The following HNF4G variants were observed in gnomAD, a reference collection of about 807,000 sequenced individuals.
The protein encoded by HNF4G is hepatocyte nuclear factor 4-gamma.
Under a neutral mutation model 50.9 loss-of-function variants are expected in HNF4G, and 21 were observed. That is an observed-to-expected ratio of 0.41 (90% CI 0.29 to 0.59). The LOEUF (loss-of-function observed/expected upper bound fraction) is 0.59, where lower values mean the gene tolerates loss of function less well. Among genes scored for constraint, HNF4G ranks in the 20% least tolerant of loss-of-function variants. The pLI, the probability that HNF4G is intolerant of heterozygous loss-of-function variation, is 0.26. For missense variants in HNF4G, 527 were observed against 559.4 expected (o/e 0.94, Z 0.58); for synonymous variants, 198 against 185.6 (o/e 1.07, Z -0.54).
intron 1 of HNF4G, among the ~76,000 whole-genome samples, chr8:75,417,572 C>T (rs1810671510): frequency 6.6e-6 from 1 of 152,148 alleles, no homozygotes; most frequent in Non-Finnish European, 1.5e-5. Context: ...TGCTATTAAT[C>T]TCATCTCAGT....
intron 5 of HNF4G, among the ~76,000 whole-genome samples, chr8:75,553,466 G>T (rs778240287): frequency 3.9e-5 from 6 of 152,084 alleles, no homozygotes; most frequent in Admixed American, 3.9e-4. Flanking sequence ...TTTTAAAAGG[G>T]TCATGTGAGG....
chr8:75,461,594 A>G (rs538502216), intron 1 of HNF4G, among the ~76,000 whole-genome samples: 26 of 152,272 alleles, frequency 1.7e-4, no homozygotes, highest in African/African-American at 6.0e-4. Context: ...TATTCTGCCT[A>G]CTACAAAAGC....
At chr8:75,534,899 A>C (rs559140555), upstream of HNF4G, among the ~76,000 whole-genome samples, 1 of 151,858 alleles carries the variant, frequency 6.6e-6, no homozygotes, top group Non-Finnish European at 1.5e-5. Flanking sequence ...AAGCTATAGA[A>C]GTTCAGTTTA....
chr8:75,475,844 G>T (rs1180682211), intron 1 of HNF4G, among the ~76,000 whole-genome samples: 1 of 152,056 alleles, frequency 6.6e-6, no homozygotes, highest in Non-Finnish European at 1.5e-5. Context: ...TGTATGTAGG[G>T]TGTATATAAC....
intron 8 of HNF4G, 43 bp from the exon 9 acceptor site, chr8:75,560,292 TTGCTGTTCC>T: frequency 3.8e-6 from 6 of 1,586,128 alleles, no homozygotes; most frequent in Non-Finnish European, 5.2e-6. Context: ...CAAGGTAAAC[TTGCTGTTCC>T]TGATTAAATA....
At chr8:75,411,399 A>C (rs571927258) in intron 1 of HNF4G, among the ~76,000 whole-genome samples, 38 of 152,292 alleles carry the variant, frequency 2.5e-4, no homozygotes, top group African/African-American at 7.0e-4. Flanking sequence ...AGCTACACAG[A>C]CCTATTGGTT....
rs557003370 is a variant in HNF4G at position 75,411,156 on chromosome 8, C to T, written c.-144+2994C>T. ...AGAGCTGGGGATTCAAATGAAGGCACGTCAGCTCTAGGTCGTGAACGTAAC... is the reference window on the plus strand; with the variant it reads ...AGAGCTGGGGATTCAAATGAAGGCATGTCAGCTCTAGGTCGTGAACGTAAC... On this transcript the variant is annotated intron_variant, in intron 1 of 10. Coordinates refer to the HNF4G transcript ENST00000354370. Among the ~76,000 whole-genome samples the T allele has an allele frequency of 2.6e-5, 4 of 152,316 alleles. No homozygotes were observed. The East Asian group carries it at 5.8e-4, about 22-fold the overall frequency.
At chr8:75,461,615 G>C (rs1811843224) in intron 1 of HNF4G, among the ~76,000 whole-genome samples, 1 of 152,120 alleles carries the variant, frequency 6.6e-6, no homozygotes, top group Admixed American at 6.6e-5. Context: ...TAAAGATCTG[G>C]GTAAGTATAG....
chr8:75,555,597 T>C (rs1392072605), intron 5 of HNF4G, among the ~76,000 whole-genome samples: 1 of 152,208 alleles, frequency 6.6e-6, no homozygotes, highest in African/African-American at 2.4e-5. Context: ...ACTCCCATTT[T>C]GTAGATGAAA....
intron 1 of HNF4G, among the ~76,000 whole-genome samples, chr8:75,418,358 T>C (rs1490202675): frequency 6.6e-6 from 1 of 152,180 alleles, no homozygotes; most frequent in Non-Finnish European, 1.5e-5. Context: ...GGACACACAG[T>C]TCAGCCAATA....
chr8:75,456,098 G>A (rs949311518), intron 1 of HNF4G, among the ~76,000 whole-genome samples: 2 of 152,068 alleles, frequency 1.3e-5, no homozygotes, highest in African/African-American at 4.8e-5. Context: ...TCTTTGTTCA[G>A]AAGTACACAG....
At chr8:75,415,335 C>T (rs1810607254) in intron 1 of HNF4G, among the ~76,000 whole-genome samples, 1 of 151,044 alleles carries the variant, frequency 6.6e-6, no homozygotes, top group African/African-American at 2.4e-5. Context: ...TATTCTTATA[C>T]AAGGGATAGG....
chr8:75,523,749 AAT>A (rs1806108379), intron 2 of HNF4G, among the ~76,000 whole-genome samples: 1 of 151,870 alleles, frequency 6.6e-6, no homozygotes, highest in African/African-American at 2.4e-5. Flanking sequence ...TATAATACTA[AAT>A]AGAGTATTAA....
intron 3 of HNF4G, among the ~76,000 whole-genome samples, chr8:75,549,938 CTCA>C (rs1371313469): frequency 6.6e-6 from 1 of 152,048 alleles, no homozygotes; most frequent in African/African-American, 2.4e-5. Context: ...AGGACATGAA[CTCA>C]TCATTTTTTA....
At chr8:75,421,188 G>A (rs1009378303) in intron 1 of HNF4G, among the ~76,000 whole-genome samples, 1 of 152,152 alleles carries the variant, frequency 6.6e-6, no homozygotes, top group Admixed American at 6.5e-5. Context: ...GATCTTTCCT[G>A]TTCCTTTTTC....
At chr8:75,557,600 G>A (rs1807170623) in intron 6 of HNF4G, among the ~76,000 whole-genome samples, 1 of 152,070 alleles carries the variant, frequency 6.6e-6, no homozygotes. Flanking sequence ...CAGCCTGGGC[G>A]ATAGAGACTC....
intron 9 of HNF4G, among the ~76,000 whole-genome samples, chr8:75,563,051 G>A (rs1807359116): frequency 6.6e-6 from 1 of 152,106 alleles, no homozygotes; most frequent in Admixed American, 6.6e-5. Context: ...GGTAAAAGGA[G>A]ACTGTTCTTG....
At chr8:75,421,599 T>C (rs1370892184) in intron 1 of HNF4G, among the ~76,000 whole-genome samples, 1 of 152,162 alleles carries the variant, frequency 6.6e-6, no homozygotes. Context: ...TTCTGCAACT[T>C]TTAAGATTTA....
chr8:75,514,174 A>G (rs573958481), intron 2 of HNF4G, among the ~76,000 whole-genome samples: 1 of 152,032 alleles, frequency 6.6e-6, no homozygotes, highest in South Asian at 2.1e-4. Context: ...TTTCCATTGT[A>G]GTATTTTACC....
Sources: gnomAD v4.1 joint callset for allele counts (sites outside exome capture counted in the v4.1 genomes callset) on GRCh38, gnomAD v4.1.1 for gene constraint, MANE v1.5 for transcripts, NCBI Gene and HGNC (gene_info 2026-07-23, HGNC 2026-07-21) for gene names.